MITF: variants seen among roughly 807,000 people sequenced by gnomAD.
The protein encoded by MITF is microphthalmia-associated transcription factor.
In MITF, 17 loss-of-function variants were observed where a neutral mutation model predicts 60.5. The observed-to-expected ratio is 0.28, with a 90% CI of 0.19 to 0.42. MITF has a LOEUF of 0.42. Among genes scored for constraint, MITF ranks in the 10% least tolerant of loss-of-function variants. MITF has a pLI of 1.00. For missense variants in MITF, 622 were observed against 683.5 expected, an observed-to-expected ratio of 0.91 and a Z score of 1.00; for synonymous variants, 260 against 248.5, an observed-to-expected ratio of 1.05 and a Z score of -0.43.
At chr3:69,906,824 G>A (rs2065110109) in intron 2 of MITF, among the ~76,000 whole-genome samples, 1 of 152,114 alleles carries the variant, frequency 6.6e-6, no homozygotes, top group Admixed American at 6.6e-5. Flanking sequence ...CTAGAATGGA[G>A]ACTAGCAACC....
chr3:69,949,314 A>G (rs1021192666), intron 6 of MITF, 146 bp downstream of exon 6: 33 of 646,248 alleles, frequency 5.1e-5, no homozygotes, highest in Non-Finnish European at 9.2e-5. Flanking sequence ...ACATTATGCA[A>G]TATTTTAAGA....
At chr3:69,938,124 A>G in intron 3 of MITF, 75 bp downstream of exon 3, 1 of 1,468,714 alleles carries the variant, frequency 6.8e-7, no homozygotes, top group Non-Finnish European at 9.5e-7. Flanking sequence ...TCCCACACTT[A>G]ACTGTGGACT....
chr3:69,871,347 G>C (rs1027853308), intron 1 of MITF, among the ~76,000 whole-genome samples: 3 of 152,222 alleles, frequency 2.0e-5, no homozygotes, highest in Non-Finnish European at 2.9e-5. Flanking sequence ...TGACCAGAAG[G>C]ATGGATTTCC....
intron 1 of MITF, among the ~76,000 whole-genome samples, chr3:69,855,337 TAATA>T (rs996703708): frequency 1.3e-5 from 2 of 148,656 alleles, no homozygotes; most frequent in African/African-American, 5.0e-5. Context: ...AAATCTATAA[TAATA>T]AATACATGTT....
intron 2 of MITF, among the ~76,000 whole-genome samples, chr3:69,884,407 A>T (rs1017098593): frequency 1.3e-5 from 2 of 152,162 alleles, no homozygotes; most frequent in Non-Finnish European, 2.9e-5. Flanking sequence ...GGAACAAAAA[A>T]ATGTATAATT....
intron 1 of MITF, among the ~76,000 whole-genome samples, chr3:69,807,334 C>G (rs1207604686): frequency 2.0e-5 from 3 of 152,190 alleles, no homozygotes; most frequent in Non-Finnish European, 4.4e-5. Flanking sequence ...CTTCTTTAAT[C>G]TGATTAATGG....
At chr3:69,864,435 A>G (rs929458788) in intron 1 of MITF, among the ~76,000 whole-genome samples, 1 of 152,086 alleles carries the variant, frequency 6.6e-6, no homozygotes, top group African/African-American at 2.4e-5. Context: ...TTTCTCCTCT[A>G]ATCGTATTTA....
intron 1 of MITF, among the ~76,000 whole-genome samples, chr3:69,870,237 C>T (rs1559686348): frequency 6.7e-6 from 1 of 148,400 alleles, no homozygotes; most frequent in Admixed American, 6.7e-5. Flanking sequence ...ACCAACTGCA[C>T]AAATCAGAGT....
intron 1 of MITF, among the ~76,000 whole-genome samples, chr3:69,862,746 C>T (rs2064039224): frequency 6.6e-6 from 1 of 152,110 alleles, no homozygotes; most frequent in Admixed American, 6.5e-5. Flanking sequence ...CTTTAAATCC[C>T]ATTTTAGTTA....
intron 1 of MITF, among the ~76,000 whole-genome samples, chr3:69,861,747 T>C (rs2064020680): frequency 6.6e-6 from 1 of 152,182 alleles, no homozygotes; most frequent in Non-Finnish European, 1.5e-5. Flanking sequence ...CTGGGAAAAC[T>C]AATAAATGTT....
At chr3:69,809,251 A>G (rs2063062619) in intron 1 of MITF, among the ~76,000 whole-genome samples, 1 of 152,114 alleles carries the variant, frequency 6.6e-6, no homozygotes, top group African/African-American at 2.4e-5. Flanking sequence ...TGTGGGGGAG[A>G]GTACAGAGTT....
intron 2 of MITF, among the ~76,000 whole-genome samples, chr3:69,920,027 A>C (rs1347218976): frequency 6.6e-6 from 1 of 152,192 alleles, no homozygotes. Context: ...AGTTTGTAGC[A>C]ATTACTTTTT....
chr3:69,850,870 C>T (rs1489621027), intron 1 of MITF, among the ~76,000 whole-genome samples: 1 of 152,102 alleles, frequency 6.6e-6, no homozygotes, highest in Non-Finnish European at 1.5e-5. Flanking sequence ...GTAGTTACCC[C>T]CTCTGCATAA....
rs564072225 is a variant in MITF, at chr3:69,845,828, T to C, written c.105-33306T>C. ...GTTCTACTCTTTGGCAGGCACTGAA[T>C]TGGCTTTTCTTTAATGTCCCTCTTA... is the stretch of plus-strand genomic sequence containing the variant. On this transcript the variant is annotated intron_variant, in intron 1 of 9. Coordinates refer to ENST00000352241, the MANE Select transcript of MITF (RefSeq NM_001354604.2). Among the ~76,000 whole-genome samples the C allele has an allele frequency of 6.6e-5, 10 of 152,322 alleles. No homozygotes were observed. In the East Asian group the frequency reaches 1.9e-3, roughly 29 times the overall value.
At chr3:69,796,575 C>T (rs1364696391) in intron 1 of MITF, among the ~76,000 whole-genome samples, 1 of 139,868 alleles carries the variant, frequency 7.1e-6, no homozygotes, top group South Asian at 2.2e-4. Flanking sequence ...GGCGCAATCT[C>T]GGCTCACTGC....
intron 2 of MITF, among the ~76,000 whole-genome samples, chr3:69,880,148 G>GT (rs1231438583): frequency 6.6e-6 from 1 of 152,084 alleles, no homozygotes; most frequent in East Asian, 1.9e-4. Context: ...CTTATTTTTA[G>GT]TTTTTTTATT....
intron 1 of MITF, among the ~76,000 whole-genome samples, chr3:69,859,641 A>T (rs2063977865): frequency 1.3e-5 from 2 of 151,634 alleles, no homozygotes; most frequent in African/African-American, 4.9e-5. Context: ...TAATACCTTG[A>T]CTCCTGCTTG....
At chr3:69,788,751 A>G (rs2062692636) in intron 1 of MITF, among the ~76,000 whole-genome samples, 1 of 152,198 alleles carries the variant, frequency 6.6e-6, no homozygotes, top group South Asian at 2.1e-4. Context: ...AAGACACACA[A>G]ATAGACCAAT....
At chr3:69,926,250 C>T (rs2065583628) in intron 2 of MITF, among the ~76,000 whole-genome samples, 1 of 152,184 alleles carries the variant, frequency 6.6e-6, no homozygotes, top group South Asian at 2.1e-4. Flanking sequence ...AATGCAGTTT[C>T]TCAAAAACCA....
Sources: gnomAD v4.1 joint callset for allele counts (sites outside exome capture counted in the v4.1 genomes callset) on GRCh38, gnomAD v4.1.1 for gene constraint, MANE v1.5 for transcripts, NCBI Gene and HGNC (gene_info 2026-07-23, HGNC 2026-07-21) for gene names.